Variants in C9orf85 observed in about 807,000 individuals in gnomAD.
C9orf85 encodes chromosome 9 open reading frame 85.
A neutral mutation model predicts 14.9 loss-of-function variants in C9orf85; 16 were observed. The observed-to-expected ratio is 1.08, with a 90% CI of 0.73 to 1.63. C9orf85 has a LOEUF of 1.63. C9orf85 is among the 40% of genes most tolerant of loss of function. The pLI is 0.00. For missense variants in C9orf85, 172 were observed against 186.1 expected (o/e 0.92, Z 0.44); for synonymous variants, 45 against 56.8 (o/e 0.79, Z 0.93).
At chr9:71,960,957 A>G (rs943589556) in intron 2 of C9orf85, among the ~76,000 whole-genome samples, 1 of 148,530 alleles carries the variant, frequency 6.7e-6, no homozygotes, top group Non-Finnish European at 1.5e-5. Context: ...TTTTTGCCCA[A>G]GTTGGAGAAA....
chr9:71,915,017 AAG>A (rs1164270388), intron 1 of C9orf85, among the ~76,000 whole-genome samples: 1 of 152,166 alleles, frequency 6.6e-6, no homozygotes, highest in Non-Finnish European at 1.5e-5. Context: ...GCACTGGACT[AAG>A]AGAAAAGAGC....
intron 1 of C9orf85, among the ~76,000 whole-genome samples, chr9:71,913,059 G>A (rs558008702): frequency 1.3e-5 from 2 of 152,268 alleles, no homozygotes; most frequent in African/African-American, 4.8e-5. Context: ...TGCGGCTTGA[G>A]TGAGTTGTAT....
chr9:71,940,625 A>G (rs1165414813), intron 1 of C9orf85, among the ~76,000 whole-genome samples: 1 of 152,210 alleles, frequency 6.6e-6, no homozygotes, highest in Non-Finnish European at 1.5e-5. Flanking sequence ...ATCTTCATAT[A>G]TGGCTGGTAT....
chr9:71,915,553 G>A (rs1305636038), intron 1 of C9orf85, among the ~76,000 whole-genome samples: 2 of 152,158 alleles, frequency 1.3e-5, no homozygotes, highest in African/African-American at 4.8e-5. Context: ...TGGCCCTGCA[G>A]TTGATCAAAG....
chr9:71,959,559 A>T (rs1056848252), intron 2 of C9orf85, among the ~76,000 whole-genome samples: 1 of 152,218 alleles, frequency 6.6e-6, no homozygotes, highest in Non-Finnish European at 1.5e-5. Context: ...GTAAGCTAGT[A>T]AACAGTATAC....
At chr9:71,927,578 T>C (rs985857288) in intron 1 of C9orf85, among the ~76,000 whole-genome samples, 3 of 152,206 alleles carry the variant, frequency 2.0e-5, no homozygotes, top group Non-Finnish European at 4.4e-5. Context: ...AAAATCAGTA[T>C]TGCCATCAAA....
At chr9:71,966,009 A>G (rs1351318155) in intron 2 of C9orf85, among the ~76,000 whole-genome samples, 2 of 152,230 alleles carry the variant, frequency 1.3e-5, no homozygotes, top group African/African-American at 2.4e-5. Flanking sequence ...AAGTTTAACT[A>G]ACAGGAGTAT....
intron 2 of C9orf85, among the ~76,000 whole-genome samples, chr9:71,953,472 C>T (rs1361308860): frequency 6.6e-6 from 1 of 152,134 alleles, no homozygotes; most frequent in African/African-American, 2.4e-5. Context: ...TATAACCTGC[C>T]TTGGAACCAG....
chr9:71,944,282 G>A (rs1031717936), intron 1 of C9orf85, among the ~76,000 whole-genome samples: 2 of 151,566 alleles, frequency 1.3e-5, no homozygotes, highest in East Asian at 1.9e-4. Flanking sequence ...TTTTTAAGAC[G>A]TTATGTATAT....
intron 2 of C9orf85, among the ~76,000 whole-genome samples, chr9:71,958,777 T>TGTC (rs1822440741): frequency 6.6e-6 from 1 of 152,084 alleles, no homozygotes; most frequent in African/African-American, 2.4e-5. Context: ...CCTTTAAAAG[T>TGTC]CTCTCTGAGG....
intron 2 of C9orf85, among the ~76,000 whole-genome samples, chr9:71,949,687 G>A (rs993129968): frequency 1.3e-5 from 2 of 152,152 alleles, no homozygotes; most frequent in African/African-American, 4.8e-5. Context: ...AAACCTGTGT[G>A]GTTTTATGCT....
At chr9:71,975,338 G>A (rs1589276746), downstream of C9orf85, among the ~76,000 whole-genome samples, 1 of 151,834 alleles carries the variant, frequency 6.6e-6, no homozygotes, top group Non-Finnish European at 1.5e-5. Flanking sequence ...CTACTCCGGA[G>A]GCTGAGGCAG....
At chr9:71,977,598 G>C (rs1037311371), downstream of C9orf85, among the ~76,000 whole-genome samples, 3 of 152,156 alleles carry the variant, frequency 2.0e-5, no homozygotes, top group Non-Finnish European at 4.4e-5. Flanking sequence ...AATATTCCAT[G>C]ATCCTAAACT....
chr9:71,963,119 GTTTTT>G (rs1822568520), intron 2 of C9orf85, among the ~76,000 whole-genome samples: 1 of 151,978 alleles, frequency 6.6e-6, no homozygotes, highest in Non-Finnish European at 1.5e-5. Context: ...AGCGTTTTTT[GTTTTT>G]TAACTGGGGT....
chr9:71,924,751 G>A (rs1437783514), intron 1 of C9orf85, among the ~76,000 whole-genome samples: 1 of 152,088 alleles, frequency 6.6e-6, no homozygotes. Context: ...TAATATATTT[G>A]ACATCATGGT....
In C9orf85 at chr9:71,911,763, G is replaced by C; in HGVS notation, c.29G>C (p.Arg10Pro). The change falls in exon 1 of 4, where the codon CGT becomes CCT. Residue 10 changes from arginine (R) to proline (P), a missense_variant. Arg to Pro is a moderately radical substitution (Grantham distance 103). Coordinates refer to ENST00000334731, the MANE Select transcript of C9orf85 (RefSeq NM_182505.5). MSSQKGNVA[R>P]SRPQKHQNTF... ...AGCTCCCAGAAAGGCAACGTGGCTC[G>C]TTCCAGACCTCAGAAGCACCAGAAT... 6.2e-7 allele frequency: 1 copy of C among 1,614,128 alleles called. No homozygotes were observed. Among genetic ancestry groups the C allele is most frequent in the Non-Finnish European group, 8.5e-7 (1 of 1,180,014 alleles).
intron 2 of C9orf85, among the ~76,000 whole-genome samples, chr9:71,967,717 T>C (rs1233672188): frequency 2.5e-5 from 3 of 118,158 alleles, no homozygotes; most frequent in Admixed American, 7.9e-5. Flanking sequence ...ACCTTTCTTT[T>C]TTTTTTTTTT....
At chr9:71,973,561 C>T (rs567159407), downstream of C9orf85, 37 of 152,050 alleles carry the variant, frequency 2.4e-4, no homozygotes, top group Non-Finnish European at 4.7e-4. Flanking sequence ...TTATATATTT[C>T]ATCACATTTT....
intron 1 of C9orf85, among the ~76,000 whole-genome samples, chr9:71,917,453 G>A (rs1306368713): frequency 6.6e-6 from 1 of 152,208 alleles, no homozygotes; most frequent in African/African-American, 2.4e-5. Context: ...AAGCTGTCAA[G>A]TTTAAGATTA....
Sources: allele counts gnomAD v4.1 joint callset (sites outside exome capture counted in the v4.1 genomes callset), GRCh38; gene constraint gnomAD v4.1.1; transcripts MANE v1.5; gene names NCBI Gene and HGNC (gene_info 2026-07-23, HGNC 2026-07-21).